TRPC6: variants seen among roughly 807,000 people sequenced by gnomAD.
TRPC6 encodes short transient receptor potential channel 6.
Under a neutral mutation model 90.7 loss-of-function variants are expected in TRPC6, and 55 were observed. The observed-to-expected ratio is 0.61, with a 90% CI of 0.49 to 0.76. The LOEUF is 0.76. TRPC6 is among the 30% of genes least tolerant of loss of function. The pLI, the probability that TRPC6 is intolerant of heterozygous loss-of-function variation, is 0.00. For synonymous variants in TRPC6, 393 were observed against 393.0 expected, an observed-to-expected ratio of 1.00 and a Z score of 0.00; for missense variants, 989 against 1,122.7, an observed-to-expected ratio of 0.88 and a Z score of 1.70.
chr11:101,489,607 TTTCAC>T (rs1314583109), intron 3 of TRPC6, among the ~76,000 whole-genome samples: 1 of 150,812 alleles, frequency 6.6e-6, no homozygotes. Flanking sequence ...CCAAAAACTC[TTTCAC>T]TTAAGAAGAC....
rs1394060234 is a variant in TRPC6 at position 101,491,447 on chromosome 11, GAGAAA to G, written c.1128+104_1128+108del. The G allele has an allele frequency of 2.4e-5, 32 of 1,323,440 alleles. No individual in the cohort carries two copies. The African/African-American group carries it at 4.1e-4, about 17-fold the overall frequency. 82.0% of individuals were successfully genotyped at this position (1,323,440 alleles called of 1,614,324 possible). A position where few individuals can be genotyped will look rare whatever the true frequency, so the allele number is the denominator to read the frequency against. On this transcript the variant is annotated intron_variant, in intron 3 of 12. Transcript: ENST00000344327. ...AGACTCCATCTCAAAAAAAAAAAAAGAGAAAAGAAAAGAAAATCCCAGCTTAATCT... is the reference window on the plus strand; with the variant it reads ...AGACTCCATCTCAAAAAAAAAAAAAGAGAAAAGAAAATCCCAGCTTAATCT...
rs188102194 is a variant in TRPC6, at chr11:101,503,921, G to C, written c.945+103C>G. ...TTGAATAAACTTATAAAATGACCTA[G>C]TGTCCACAGTAACTAGCACAGTGCT... On this transcript the variant is annotated intron_variant, in intron 2 of 12. Transcript: ENST00000344327. 1.7e-5 allele frequency: 24 copies of C among 1,387,824 alleles called. No individual in the cohort carries two copies. The African/African-American group carries it at 2.8e-4, about 16-fold the overall frequency. 86.0% of individuals were successfully genotyped at this position (1,387,824 alleles called of 1,614,324 possible).
At chr11:101,560,527 T>C (rs1315108610) in intron 1 of TRPC6, among the ~76,000 whole-genome samples, 1 of 152,152 alleles carries the variant, frequency 6.6e-6, no homozygotes, top group African/African-American at 2.4e-5. Flanking sequence ...TTGAACATTT[T>C]TAGATAATGT....
intron 1 of TRPC6, among the ~76,000 whole-genome samples, chr11:101,581,562 T>C (rs1386431929): frequency 1.3e-5 from 2 of 152,218 alleles, no homozygotes; most frequent in Non-Finnish European, 2.9e-5. Flanking sequence ...TTTAGTCACC[T>C]AGTTTAGCCA....
intron 1 of TRPC6, among the ~76,000 whole-genome samples, chr11:101,576,355 TC>T (rs1565253783): frequency 1.3e-5 from 2 of 152,212 alleles, no homozygotes; most frequent in African/African-American, 4.8e-5. Context: ...ACATCATTTC[TC>T]CTCTTTGTCA....
intron 10 of TRPC6, among the ~76,000 whole-genome samples, chr11:101,466,818 C>T (rs893840787): frequency 3.2e-4 from 49 of 152,316 alleles, no homozygotes; most frequent in African/African-American, 1.2e-3. Flanking sequence ...AAACAGCCGC[C>T]CAGTTTTGTG....
Position 101,452,854 on chromosome 11 carries a change from TTGTTTAAAAGG to T in TRPC6, c.*90_*100del. On this transcript the variant is annotated 3_prime_UTR_variant, in exon 13 of 13. Coordinates refer to ENST00000344327, the MANE Select transcript of TRPC6 (RefSeq NM_004621.6). ...ATGGCCCAAGTTATTTAACGTTTTC[TTGTTTAAAAGG>T]TGGGCCCATTGGCACTTAAGAAAAT... is the stretch of plus-strand genomic sequence containing the variant. The T allele has an allele frequency of 7.1e-7, 1 of 1,402,512 alleles. No homozygotes were observed. The highest frequency in any genetic ancestry group is 1.2e-5 in the South Asian group (1 of 83,086). 86.9% of individuals were successfully genotyped at this position (1,402,512 alleles called of 1,614,324 possible). A position where few individuals can be genotyped will look rare whatever the true frequency, so the allele number is the denominator to read the frequency against.
intron 3 of TRPC6, among the ~76,000 whole-genome samples, chr11:101,490,990 G>A (rs537299736): frequency 2.2e-4 from 33 of 152,312 alleles, no homozygotes; most frequent in African/African-American, 7.0e-4. Flanking sequence ...GATTCATAAA[G>A]TCATTGTTAT....
Position 101,550,091 on chromosome 11 carries a change from T to C in TRPC6, c.170+33243A>G, listed in dbSNP as rs974580450. 3.3e-5 allele frequency among the ~76,000 whole-genome samples: 5 copies of C among 151,612 alleles called. No individual in the cohort carries two copies. In the South Asian group the frequency reaches 8.3e-4, roughly 25 times the overall value. On this transcript the variant is annotated intron_variant, in intron 1 of 12. Coordinates refer to ENST00000344327, the MANE Select transcript of TRPC6 (RefSeq NM_004621.6). ...TATTCAGTTTTTGTGCTTTGGAAAT[T>C]ATTACTGATAAAATTTAGTCTAAAA...
intron 1 of TRPC6, among the ~76,000 whole-genome samples, chr11:101,541,626 G>C (rs763892281): frequency 4.3e-4 from 65 of 152,176 alleles, no homozygotes; most frequent in Non-Finnish European, 7.9e-4. Context: ...GATGGATATG[G>C]TAAGGGAATT....
At chr11:101,511,459 G>T (rs1860391738) in intron 1 of TRPC6, among the ~76,000 whole-genome samples, 1 of 152,072 alleles carries the variant, frequency 6.6e-6, no homozygotes, top group African/African-American at 2.4e-5. Flanking sequence ...AAAGTTTAGA[G>T]CTTGTTTGTT....
intron 1 of TRPC6, among the ~76,000 whole-genome samples, chr11:101,548,439 TAC>T (rs2136835468): frequency 7.2e-6 from 1 of 139,622 alleles, no homozygotes; most frequent in Admixed American, 7.6e-5. Context: ...AAATATATAA[TAC>T]ATAATTATAT....
intron 1 of TRPC6, among the ~76,000 whole-genome samples, chr11:101,510,173 G>C (rs991768673): frequency 5.3e-5 from 8 of 152,080 alleles, no homozygotes; most frequent in African/African-American, 1.7e-4. Flanking sequence ...TATGTCACAA[G>C]TGGTGTTGCT....
rs1280825283 is a variant in TRPC6 at position 101,471,403 on chromosome 11, G to A, written c.2206-17C>T. On this transcript the variant is annotated splice_polypyrimidine_tract_variant and intron_variant, in intron 8 of 12. Transcript: ENST00000344327. ...AGCGTCATCCTATACAAATACACATGACAGTTCAGCAAGGAAATGCATAAA... is the reference window on the plus strand; with the variant it reads ...AGCGTCATCCTATACAAATACACATAACAGTTCAGCAAGGAAATGCATAAA... The A allele has an allele frequency of 6.2e-7, 1 of 1,612,854 alleles. No homozygotes were observed. The highest frequency in any genetic ancestry group is 1.1e-5 in the South Asian group (1 of 91,046).
rs530977468 is a variant in TRPC6, at chr11:101,492,814, C to T, written c.946-1076G>A. Among the ~76,000 whole-genome samples the T allele has an allele frequency of 2.3e-3, 347 of 152,254 alleles. 1 individual carries two copies. Among genetic ancestry groups the T allele is most frequent in the South Asian group, 6.0e-3 (29 of 4,816 alleles). ...GAAAGTTTCCAGAGAAGAGCAAGTA[C>T]GTGTCTATTTAACAGATTTTAATTG... is the stretch of plus-strand genomic sequence containing the variant. On this transcript the variant is annotated intron_variant, in intron 2 of 12. Transcript: ENST00000344327.
At chr11:101,565,747 A>C (rs948046366) in intron 1 of TRPC6, among the ~76,000 whole-genome samples, 19 of 152,136 alleles carry the variant, frequency 1.2e-4, no homozygotes, top group Admixed American at 6.5e-4. Flanking sequence ...TTTCTAATTT[A>C]TTTGACAATA....
Position 101,475,689 on chromosome 11 carries a change from C to CT in TRPC6, c.1744+611dup, listed in dbSNP as rs562805629. The stretch of plus-strand genomic sequence containing the variant: ...TTACCTTCTACTTCTTTGAGTTTGA[C>CT]TTTTTTTAGATTCCACAAATAAGTA... On this transcript the variant is annotated intron_variant, in intron 6 of 12. Transcript: ENST00000344327. Among the ~76,000 whole-genome samples, 666 of 151,960 alleles carry CT rather than the reference C, an allele frequency of 4.4e-3. 10 individuals are homozygous for CT. The highest frequency in any genetic ancestry group is 0.016 in the African/African-American group (645 of 41,388).
chr11:101,455,172 T>TCATTAGATAACTA, intron 10 of TRPC6, 71 bp from the exon 11 acceptor site: 1 of 1,240,320 alleles, frequency 8.1e-7, no homozygotes, highest in Non-Finnish European at 1.2e-6. Context: ...TGAGATTAGT[T>TCATTAGATAACTA]ATCTAATGAA....
chr11:101,471,138 TCA>T (rs1859282981), intron 9 of TRPC6, 43 bp downstream of exon 9: 1 of 1,595,394 alleles, frequency 6.3e-7, no homozygotes, highest in Non-Finnish European at 8.6e-7. Flanking sequence ...GTTACAGTAG[TCA>T]CAAAATTTAA....
Sources: gnomAD v4.1 joint callset for allele counts (sites outside exome capture counted in the v4.1 genomes callset) on GRCh38, gnomAD v4.1.1 for gene constraint, MANE v1.5 for transcripts, NCBI Gene and HGNC (gene_info 2026-07-23, HGNC 2026-07-21) for gene names.